Variants in MAGI2 observed in about 807,000 individuals in gnomAD.
MAGI2 encodes the protein membrane associated guanylate kinase, WW and PDZ domain containing 2.
A neutral mutation model predicts 133.3 loss-of-function variants in MAGI2; 35 were observed. The observed-to-expected ratio is 0.26, with a 90% confidence interval of 0.20 to 0.35. MAGI2 has a LOEUF of 0.35. Ranked by LOEUF, MAGI2 falls within the 10% of genes least tolerant of loss-of-function variation. The pLI is 1.00. For synonymous variants in MAGI2, 729 were observed against 710.6 expected (o/e 1.03, Z -0.41); for missense variants, 1,636 against 1,863.4 (o/e 0.88, Z 2.25).
At chr7:79,268,056 A>G (rs1156265514) in intron 1 of MAGI2, among the ~76,000 whole-genome samples, 1 of 152,172 alleles carries the variant, frequency 6.6e-6, no homozygotes, top group Non-Finnish European at 1.5e-5. Context: ...GAGGAGACTG[A>G]AGGCCATTGT....
intron 1 of MAGI2, among the ~76,000 whole-genome samples, chr7:79,170,137 C>CTTTTTTTTTTTTTTTTTTTTTTTT (rs10539344): frequency 2.3e-5 from 1 of 42,924 alleles, no homozygotes; most frequent in African/African-American, 8.6e-5. Context: ...AGATATTATA[C>CTTTTTTTTTTTTTTTTTTTTTTTT]TTTTTTTTTT....
intron 1 of MAGI2, among the ~76,000 whole-genome samples, chr7:79,424,322 T>C (rs1847185275): frequency 6.6e-6 from 1 of 151,936 alleles, no homozygotes; most frequent in African/African-American, 2.4e-5. Context: ...CACAGATCAA[T>C]ACTGCATGAT....
At chr7:78,894,841 A>T (rs1797076277) in intron 2 of MAGI2, among the ~76,000 whole-genome samples, 1 of 152,212 alleles carries the variant, frequency 6.6e-6, no homozygotes, top group Admixed American at 6.5e-5. Flanking sequence ...TACTGTTTAA[A>T]TCAAGATATC....
chr7:79,014,985 A>C (rs1225550454), intron 1 of MAGI2, among the ~76,000 whole-genome samples: 1 of 152,230 alleles, frequency 6.6e-6, no homozygotes, highest in African/African-American at 2.4e-5. Flanking sequence ...AAAAAGCAAA[A>C]GAAAATGCTC....
At chr7:78,805,087 A>T (rs963768498) in intron 2 of MAGI2, among the ~76,000 whole-genome samples, 12 of 151,928 alleles carry the variant, frequency 7.9e-5, no homozygotes, top group African/African-American at 2.9e-4. Context: ...AAAAAATAAA[A>T]AAAAATAAAA....
At chr7:79,253,543 T>G (rs191196550) in intron 1 of MAGI2, among the ~76,000 whole-genome samples, 245 of 152,160 alleles carry the variant, frequency 1.6e-3, no homozygotes, top group African/African-American at 5.6e-3. Context: ...CTCAGGAGGC[T>G]GAGGCACGAG....
At chr7:79,203,226 C>T (rs923640388) in intron 1 of MAGI2, among the ~76,000 whole-genome samples, 1 of 152,036 alleles carries the variant, frequency 6.6e-6, no homozygotes, top group Non-Finnish European at 1.5e-5. Context: ...TTACTCACTG[C>T]TAGTTCTGCT....
intron 1 of MAGI2, among the ~76,000 whole-genome samples, chr7:79,443,284 G>A (rs1266398463): frequency 4.3e-5 from 2 of 46,542 alleles, no homozygotes; most frequent in Non-Finnish European, 1.1e-4. Context: ...GTGTGTGTGT[G>A]CGTGTGTGTG....
chr7:78,640,059 T>C (rs38127), intron 2 of MAGI2, among the ~76,000 whole-genome samples: 99,179 of 151,950 alleles, frequency 0.65, 32,685 homozygotes, highest in East Asian at 0.92. Flanking sequence ...CCTAGATCCA[T>C]ATGGTCTTTT....
intron 1 of MAGI2, among the ~76,000 whole-genome samples, chr7:79,279,313 C>T (rs1243749982): frequency 6.6e-6 from 1 of 152,132 alleles, no homozygotes; most frequent in Non-Finnish European, 1.5e-5. Context: ...CAACCCACTC[C>T]TTTCTGAAGG....
At chr7:78,356,275 C>T (rs1792072065) in intron 7 of MAGI2, among the ~76,000 whole-genome samples, 1 of 152,130 alleles carries the variant, frequency 6.6e-6, no homozygotes, top group Non-Finnish European at 1.5e-5. Flanking sequence ...TCGTCTCAAA[C>T]TTATAAAAGA....
intron 2 of MAGI2, among the ~76,000 whole-genome samples, chr7:78,699,321 G>A (rs1817830933): frequency 6.6e-6 from 1 of 152,214 alleles, no homozygotes; most frequent in East Asian, 1.9e-4. Context: ...AGCTGGTCTC[G>A]AACTCTTGGG....
chr7:78,968,973 T>G (rs763479073), intron 2 of MAGI2, among the ~76,000 whole-genome samples: 11 of 152,076 alleles, frequency 7.2e-5, no homozygotes, highest in Non-Finnish European at 1.6e-4. Flanking sequence ...CCATTTCTTT[T>G]CTAATATAAA....
At chr7:78,328,529 A>ACACACACACACACACACACACACACC (rs1408831333) in intron 9 of MAGI2, among the ~76,000 whole-genome samples, 5 of 99,774 alleles carry the variant, frequency 5.0e-5, no homozygotes, top group African/African-American at 1.9e-4. Context: ...ACACACACAC[A>ACACACACACACACACACACACACACC]CCCCTCTCTC....
At chr7:79,112,428 C>T (rs1305115477) in intron 1 of MAGI2, among the ~76,000 whole-genome samples, 2 of 152,156 alleles carry the variant, frequency 1.3e-5, no homozygotes, top group African/African-American at 4.8e-5. Flanking sequence ...ATTAGATACA[C>T]CTCAATTTCT....
At chr7:78,136,155 G>C (rs527590915) in intron 16 of MAGI2, among the ~76,000 whole-genome samples, 1 of 146,392 alleles carries the variant, frequency 6.8e-6, no homozygotes, top group Non-Finnish European at 1.5e-5. Flanking sequence ...TCACTCTGTC[G>C]CCCAGGCTGG....
At chr7:78,287,704 T>C (rs1431913364) in intron 9 of MAGI2, among the ~76,000 whole-genome samples, 1 of 152,208 alleles carries the variant, frequency 6.6e-6, no homozygotes, top group Non-Finnish European at 1.5e-5. Context: ...ACTACAGCTG[T>C]ATAATTTCTT....
chr7:78,070,171 ACACATATATATATAT>A, intron 21 of MAGI2, among the ~76,000 whole-genome samples: 1 of 30,436 alleles, frequency 3.3e-5, no homozygotes, highest in Non-Finnish European at 6.4e-5. Flanking sequence ...ATACACACAC[ACACATATATATATAT>A]ATATATATAT....
chr7:79,410,890 G>A (rs1028407841), intron 1 of MAGI2: 1 of 152,068 alleles, frequency 6.6e-6, no homozygotes, highest in African/African-American at 2.4e-5. Flanking sequence ...TGTTCAAAAT[G>A]ATTTTTATCT....
Sources: allele counts gnomAD v4.1 joint callset (sites outside exome capture counted in the v4.1 genomes callset), GRCh38; gene constraint gnomAD v4.1.1; transcripts MANE v1.5; gene names NCBI Gene and HGNC (gene_info 2026-07-23, HGNC 2026-07-21).